The following OVOL2 variants were observed in gnomAD, a reference collection of about 807,000 sequenced individuals.
The protein encoded by OVOL2 is ovo like zinc finger 2, also known as transcription factor Ovo-like 2.
A neutral mutation model predicts 18.1 loss-of-function variants in OVOL2; 13 were observed. The observed-to-expected ratio is 0.72, with a 90% CI of 0.47 to 1.14. The LOEUF (loss-of-function observed/expected upper bound fraction) is 1.14. OVOL2 is among the 50% of genes most tolerant of loss of function. The pLI is 0.00. For synonymous variants in OVOL2, 166 were observed against 162.7 expected, an observed-to-expected ratio of 1.02 and a Z score of -0.16; for missense variants, 335 against 383.0, an observed-to-expected ratio of 0.87 and a Z score of 1.05.
chr20:18,031,712 T>A (rs1475351025), intron 3 of OVOL2, among the ~76,000 whole-genome samples: 1 of 152,248 alleles, frequency 6.6e-6, no homozygotes, highest in Non-Finnish European at 1.5e-5. Context: ...GATAATTTTT[T>A]AAAATGTGGC....
chr20:18,042,463 A>G (rs2036681262), intron 2 of OVOL2, among the ~76,000 whole-genome samples: 2 of 151,932 alleles, frequency 1.3e-5, no homozygotes, highest in Non-Finnish European at 2.9e-5. Context: ...TCATCAGTTC[A>G]TGGGAGAGCT....
intron 3 of OVOL2, among the ~76,000 whole-genome samples, chr20:18,036,431 ACAGCCAGTGGCCGCCGGAC>A (rs2036615552): frequency 6.6e-6 from 1 of 152,158 alleles, no homozygotes; most frequent in African/African-American, 2.4e-5. Flanking sequence ...GGAGCCACAC[ACAGCCAGTGGCCGCCGGAC>A]CAGCCAGCAC....
At position 18,024,831 on chromosome 20, in the gene OVOL2, G is replaced by C. The variant is rs540966468; in HGVS notation, c.633C>G (p.Asp211Glu). The change falls in exon 4 of 4, where the codon GAC (aspartate) becomes GAG (glutamate). Residue 211 changes from aspartate (D) to glutamate (E), a missense_variant. By Grantham distance (45) the Asp-to-Glu change is conservative. Coordinates refer to ENST00000278780, the MANE Select transcript of OVOL2 (RefSeq NM_021220.4). ...CGCAATCCTCGCAGACGTAGAGCTT[G>C]TCCCGCCGCTGCTTATAGGCATACT... Reference protein sequence around the residue: ...QQQYAYKQRRDKLYVCEDCGY... With the variant: ...QQQYAYKQRREKLYVCEDCGY... 49 of 1,614,194 alleles carry C rather than the reference G, an allele frequency of 3.0e-5. 1 individual carries two copies. The Admixed American group carries it at 6.3e-4, about 21-fold the overall frequency.
intron 2 of OVOL2, among the ~76,000 whole-genome samples, chr20:18,045,619 T>C (rs968722609): frequency 2.6e-5 from 4 of 152,146 alleles, no homozygotes; most frequent in Non-Finnish European, 5.9e-5. Flanking sequence ...GATCAAGACA[T>C]AGAAAGTGTG....
intron 3 of OVOL2, among the ~76,000 whole-genome samples, chr20:18,036,318 G>A (rs1044415170): frequency 6.6e-6 from 1 of 152,004 alleles, no homozygotes; most frequent in Non-Finnish European, 1.5e-5. Context: ...CAAAAAAATT[G>A]AGATTTTTAC....
intron 2 of OVOL2, among the ~76,000 whole-genome samples, chr20:18,052,480 A>G (rs1294732435): frequency 1.3e-5 from 2 of 152,162 alleles, no homozygotes; most frequent in Non-Finnish European, 2.9e-5. Context: ...TTGCTTCAGA[A>G]TCATGCATGG....
chr20:18,037,144 A>G (rs1357105635), intron 3 of OVOL2, among the ~76,000 whole-genome samples: 1 of 151,082 alleles, frequency 6.6e-6, no homozygotes, highest in Non-Finnish European at 1.5e-5. Context: ...TCAAAAAAAA[A>G]AAAAAAAAAG....
intron 3 of OVOL2, among the ~76,000 whole-genome samples, chr20:18,032,228 G>A (rs1171128872): frequency 1.3e-5 from 2 of 148,442 alleles, no homozygotes; most frequent in Non-Finnish European, 3.0e-5. Context: ...AAGAAAGGAA[G>A]GAAGCGAGGA....
chr20:18,040,116 G>A (rs2036655681), intron 3 of OVOL2, among the ~76,000 whole-genome samples: 1 of 152,154 alleles, frequency 6.6e-6, no homozygotes, highest in African/African-American at 2.4e-5. Context: ...TGGGGAGACA[G>A]TCTTTCGATG....
At position 18,056,574 on chromosome 20, in the gene OVOL2, C is replaced by T. The variant is rs1220214405; in HGVS notation, c.321+83G>A. ...GCGGGTGCCGGGTTGCGCAGGCGGG[C>T]GCGGCAGGGAGGGGCGCCGGCCTCG... On this transcript the variant is annotated intron_variant, in intron 2 of 3. Transcript: ENST00000278780. This position sits in a 1 kb window ranked among gnomAD's most constrained non-coding sequence, Gnocchi z 4.2. The T allele has an allele frequency of 4.8e-6, 6 of 1,249,742 alleles. No homozygotes were observed. Among genetic ancestry groups the T allele is most frequent in the Non-Finnish European group, 6.0e-6 (6 of 995,180 alleles). 77.4% of individuals were successfully genotyped at this position (1,249,742 alleles called of 1,614,324 possible). A position where few individuals can be genotyped will look rare whatever the true frequency, so the allele number is the denominator to read the frequency against.
chr20:18,030,866 G>A (rs190557128), intron 3 of OVOL2, among the ~76,000 whole-genome samples: 1 of 152,308 alleles, frequency 6.6e-6, no homozygotes, highest in African/African-American at 2.4e-5. Context: ...CTCATTCACT[G>A]GTGCGGGCAC....
chr20:18,047,989 A>G (rs2036739426), intron 2 of OVOL2, among the ~76,000 whole-genome samples: 1 of 152,128 alleles, frequency 6.6e-6, no homozygotes, highest in African/African-American at 2.4e-5. Flanking sequence ...GTAATTGGTC[A>G]AAATTTCTTG....
At chr20:18,044,079 TAA>T (rs1490816870) in intron 2 of OVOL2, among the ~76,000 whole-genome samples, 6 of 152,260 alleles carry the variant, frequency 3.9e-5, no homozygotes, top group Non-Finnish European at 4.4e-5. Context: ...AGCCCATGAC[TAA>T]ACTGCTCACT....
chr20:18,057,543 T>C lies in OVOL2; in HGVS notation c.92A>G (p.Tyr31Cys). ...ELPDEKRADT[Y>C]IPVGLGRLLH... is the part of the protein sequence containing the mutation. ...CCCCCGCGCGCGCTCACCTGGGATG[T>C]AGGTGTCTGCCCTTTTCTCATCCGG... The change falls in exon 1 of 4, where the codon TAC becomes TGC. Residue 31 changes from tyrosine to cysteine, a missense_variant. Transcript: ENST00000278780. This position sits in a 1 kb window ranked among gnomAD's most constrained non-coding sequence, Gnocchi z 6.3. 2 of 1,581,128 alleles carry C rather than the reference T, an allele frequency of 1.3e-6. No homozygotes were observed. The highest frequency in any genetic ancestry group is 1.7e-6 in the Non-Finnish European group (2 of 1,163,452).
In OVOL2 at chr20:18,056,746, C is replaced by T. The variant is rs1386080637; in HGVS notation, c.232G>A (p.Glu78Lys). 1 of 1,486,194 alleles carries T rather than the reference C, an allele frequency of 6.7e-7. No individual in the cohort carries two copies. Among genetic ancestry groups the T allele is most frequent in the Non-Finnish European group, 8.9e-7 (1 of 1,125,502 alleles). The allele number at this position is 1,486,194 out of a possible 1,614,324, so 92.1% of individuals were successfully genotyped here. ...AESSSSPHAPESETPEPGDAE... is the reference protein window; with the variant it reads ...AESSSSPHAPKSETPEPGDAE... The stretch of plus-strand genomic sequence containing the variant: ...TCGCCGGGCTCGGGGGTTTCGCTCT[C>T]GGGGGCGTGCGGGGACGAGCTGCTC... Residue 78 changes from glutamate (E) to lysine (K), a missense_variant, in exon 2 of 4, where the codon GAG becomes AAG. Physicochemically the swap from Glu to Lys is moderately conservative, Grantham distance 56. Coordinates refer to ENST00000278780, the MANE Select transcript of OVOL2 (RefSeq NM_021220.4). This position sits in a 1 kb window ranked among gnomAD's most constrained non-coding sequence, Gnocchi z 4.2.
intron 3 of OVOL2, among the ~76,000 whole-genome samples, chr20:18,027,002 C>T (rs543341165): frequency 1.8e-4 from 27 of 152,248 alleles, no homozygotes; most frequent in African/African-American, 4.8e-4. Context: ...GGGTACTACG[C>T]GCACTACCTG....
chr20:18,054,922 T>C (rs1343676025), intron 2 of OVOL2, among the ~76,000 whole-genome samples: 2 of 152,164 alleles, frequency 1.3e-5, no homozygotes, highest in South Asian at 4.1e-4. Context: ...GCCAATGCCA[T>C]GGCTGATAAT....
intron 3 of OVOL2, among the ~76,000 whole-genome samples, chr20:18,040,230 T>C (rs535537855): frequency 1.3e-5 from 2 of 152,258 alleles, no homozygotes; most frequent in Middle Eastern, 3.4e-3. Context: ...AGCCTGCAGA[T>C]AGTAAATTCT....
intron 3 of OVOL2, among the ~76,000 whole-genome samples, chr20:18,035,176 T>A (rs960571493): frequency 6.6e-6 from 1 of 152,074 alleles, no homozygotes; most frequent in Non-Finnish European, 1.5e-5. Context: ...GCCAGGCGGG[T>A]GCAGTGGCTC....
Sources: allele counts gnomAD v4.1 joint callset (sites outside exome capture counted in the v4.1 genomes callset), GRCh38; gene constraint gnomAD v4.1.1; non-coding constraint Gnocchi (gnomAD v3.1); transcripts MANE v1.5; gene names NCBI Gene and HGNC (gene_info 2026-07-23, HGNC 2026-07-21).